Variants in FMN2 observed in about 807,000 individuals in gnomAD.
The protein encoded by FMN2 is formin-2.
In FMN2, 51 loss-of-function variants were observed where a neutral mutation model predicts 142.3. The observed-to-expected ratio is 0.36, with a 90% CI of 0.29 to 0.45. FMN2 has a LOEUF of 0.45. Ranked by LOEUF, FMN2 falls within the 20% of genes least tolerant of loss-of-function variation. The pLI is 1.00. For synonymous variants in FMN2, 882 were observed against 869.8 expected, an observed-to-expected ratio of 1.01 and a Z score of -0.25; for missense variants, 1,936 against 2,122.8, an observed-to-expected ratio of 0.91 and a Z score of 1.73.
chr1:240,252,121 T>G (rs966140181), intron 6 of FMN2, among the ~76,000 whole-genome samples: 6 of 152,012 alleles, frequency 3.9e-5, no homozygotes, highest in African/African-American at 9.7e-5. Context: ...TTCGGCCAGG[T>G]TGGTCTCAAA....
intron 8 of FMN2, among the ~76,000 whole-genome samples, chr1:240,314,855 C>A (rs1327130728): frequency 6.6e-6 from 1 of 152,168 alleles, no homozygotes; most frequent in Non-Finnish European, 1.5e-5. Flanking sequence ...AAATTCTGTT[C>A]TTCTGTGATC....
intron 15 of FMN2, among the ~76,000 whole-genome samples, chr1:240,421,154 A>G (rs1674749174): frequency 6.6e-6 from 1 of 152,176 alleles, no homozygotes; most frequent in Non-Finnish European, 1.5e-5. Flanking sequence ...AAACAAACCT[A>G]GACCTCCGTG....
chr1:240,222,396 T>A lies in FMN2; in HGVS notation c.4065+11161T>A, dbSNP rs570685901. Among the ~76,000 whole-genome samples, 412 of 152,288 alleles carry A rather than the reference T, an allele frequency of 2.7e-3. 3 individuals carry two copies. The South Asian group carries it at 0.027, about 10-fold the overall frequency. ...CATGCTGTTTTGGTTACTGTAGCCT[T>A]GTAGTAGAGTTTGAAGTCAGGTGGT... On this transcript the variant is annotated intron_variant, in intron 6 of 17. Coordinates refer to ENST00000319653, the MANE Select transcript of FMN2 (RefSeq NM_020066.5).
At chr1:240,167,592 T>C (rs773669759) in intron 2 of FMN2, among the ~76,000 whole-genome samples, 12 of 152,212 alleles carry the variant, frequency 7.9e-5, no homozygotes, top group Non-Finnish European at 1.6e-4. Context: ...AAGCCAACCA[T>C]AGATGCTTTG....
rs377643297 is a variant in FMN2 at position 240,355,248 on chromosome 1, A to G, written c.4766-568A>G. On this transcript the variant is annotated intron_variant, in intron 13 of 17. Coordinates refer to ENST00000319653, the MANE Select transcript of FMN2 (RefSeq NM_020066.5). Reference sequence around the variant, plus strand: ...CTAAGGATTATGTTAAATAATGGATAAAATGCATCTGACATGTAATAGATG... The same window carrying G: ...CTAAGGATTATGTTAAATAATGGATGAAATGCATCTGACATGTAATAGATG... Among the ~76,000 whole-genome samples the G allele has an allele frequency of 1.8e-4, 28 of 152,328 alleles. No homozygotes were observed. In the East Asian group the frequency reaches 5.0e-3, roughly 27 times the overall value.
chr1:240,159,886 G>GTGTATATATATATAT (rs1558328369), intron 2 of FMN2, among the ~76,000 whole-genome samples: 10 of 135,434 alleles, frequency 7.4e-5, no homozygotes, highest in Non-Finnish European at 1.2e-4. Flanking sequence ...TACATGGAGA[G>GTGTATATATATATAT]ATATATATAT....
At chr1:240,170,984 T>A in intron 2 of FMN2, 1 of 802,166 alleles carries the variant, frequency 1.2e-6, no homozygotes, top group Non-Finnish European at 2.3e-6. Context: ...ATTAGGAATG[T>A]CAAGGTCGTG....
At chr1:240,185,176 T>TCCCCTTCTCTTTCTCCCTCCTATACCTTC (rs1558345292) in intron 3 of FMN2, among the ~76,000 whole-genome samples, 3 of 125,286 alleles carry the variant, frequency 2.4e-5, no homozygotes, top group African/African-American at 9.5e-5. Context: ...CCTACACCTT[T>TCCCCTTCTCTTTCTCCCTCCTATACCTTC]CCCCTTCTCT....
At chr1:240,158,530 C>G (rs1245066990) in intron 2 of FMN2, among the ~76,000 whole-genome samples, 1 of 152,084 alleles carries the variant, frequency 6.6e-6, no homozygotes, top group African/African-American at 2.4e-5. Flanking sequence ...ATTCAGACAT[C>G]AAGTTGAATG....
intron 1 of FMN2, among the ~76,000 whole-genome samples, chr1:240,113,558 A>G (rs1295790595): frequency 1.0e-3 from 5 of 4,868 alleles, no homozygotes; most frequent in African/African-American, 4.3e-3. Context: ...ACTCCGTCTC[A>G]AAAAAAAAAA....
At chr1:240,138,800 A>T (rs1299354314) in intron 2 of FMN2, among the ~76,000 whole-genome samples, 1 of 152,236 alleles carries the variant, frequency 6.6e-6, no homozygotes, top group Non-Finnish European at 1.5e-5. Context: ...TAGTACAAGA[A>T]TTGGAGCTTT....
chr1:240,328,564 TTTATTTATTTA>T (rs1671273447), intron 8 of FMN2, among the ~76,000 whole-genome samples: 1 of 12,162 alleles, frequency 8.2e-5, no homozygotes, highest in African/African-American at 1.2e-4. Flanking sequence ...CTTTATTTTA[TTTATTTATTTA>T]TTTATTTATT....
intron 2 of FMN2, among the ~76,000 whole-genome samples, chr1:240,149,393 A>G (rs991190528): frequency 2.0e-5 from 3 of 152,220 alleles, no homozygotes; most frequent in African/African-American, 7.2e-5. Flanking sequence ...TGTGCATAAA[A>G]TGAACAAGGT....
In FMN2 at chr1:240,440,614, G is replaced by A. The variant is rs185440365; in HGVS notation, c.5060+2404G>A. 4.6e-5 allele frequency among the ~76,000 whole-genome samples: 7 copies of A among 152,248 alleles called. No homozygotes were observed. In the East Asian group the frequency reaches 1.4e-3, roughly 29 times the overall value. On this transcript the variant is annotated intron_variant, in intron 16 of 17. Transcript: ENST00000319653. ...TGTTGCGAATTGGCAGTTTACAAGT[G>A]CTCTTGACTTCAGACTTCTCAGTTT...
chr1:240,316,933 G>T, intron 8 of FMN2, among the ~76,000 whole-genome samples: 1 of 152,072 alleles, frequency 6.6e-6, no homozygotes, highest in East Asian at 1.9e-4. Flanking sequence ...TACTGGGTGT[G>T]GGCATCATGT....
At chr1:240,460,493 A>G (rs767188140) in intron 16 of FMN2, among the ~76,000 whole-genome samples, 5 of 152,028 alleles carry the variant, frequency 3.3e-5, no homozygotes, top group Non-Finnish European at 7.4e-5. Context: ...TTGGGAGGCT[A>G]AGGTACAAGA....
At chr1:240,148,201 CAGAGAG>C (rs753745242) in intron 2 of FMN2, among the ~76,000 whole-genome samples, 2 of 149,776 alleles carry the variant, frequency 1.3e-5, no homozygotes, top group Non-Finnish European at 3.0e-5. Context: ...GGGACAGAGA[CAGAGAG>C]AGAGAGACAG....
intron 8 of FMN2, among the ~76,000 whole-genome samples, chr1:240,321,474 G>A (rs1457729900): frequency 6.6e-6 from 1 of 152,030 alleles, no homozygotes; most frequent in African/African-American, 2.4e-5. Context: ...CCAGAATCTG[G>A]GAGCTCTGTG....
chr1:240,172,434 A>G (rs1572017343), intron 2 of FMN2, among the ~76,000 whole-genome samples: 1 of 152,180 alleles, frequency 6.6e-6, no homozygotes, highest in Non-Finnish European at 1.5e-5. Flanking sequence ...ATTTTTTTAA[A>G]GAAATAAAGT....
Sources: allele counts gnomAD v4.1 joint callset (sites outside exome capture counted in the v4.1 genomes callset), GRCh38; gene constraint gnomAD v4.1.1; transcripts MANE v1.5; gene names NCBI Gene and HGNC (gene_info 2026-07-23, HGNC 2026-07-21).